GSN: variants seen among roughly 807,000 people sequenced by gnomAD.
The protein encoded by GSN is actin-depolymerizing factor.
In GSN, 56 loss-of-function variants were observed where a neutral mutation model predicts 85.7. That is an observed-to-expected ratio of 0.65 (90% CI 0.53 to 0.82). The LOEUF is 0.82. GSN is among the 40% of genes least tolerant of loss of function. GSN has a pLI of 0.00. For synonymous variants in GSN, 373 were observed against 399.1 expected, an observed-to-expected ratio of 0.93 and a Z score of 0.78; for missense variants, 857 against 979.8, an observed-to-expected ratio of 0.87 and a Z score of 1.67.
intron 5 of GSN, chr9:121,238,746 T>C: frequency 2.2e-6 from 1 of 451,972 alleles, no homozygotes. Context: ...GACAGTGTGA[T>C]TTTCATGAGG....
intron 2 of GSN, chr9:121,282,102 A>C (rs1297477775): frequency 4.3e-6 from 2 of 461,962 alleles, no homozygotes; most frequent in South Asian, 3.5e-5. Flanking sequence ...TCAGATTCAC[A>C]GGTGACCTGC....
chr9:121,310,369 CA>C, intron 4 of GSN: 1 of 395,984 alleles, frequency 2.5e-6, no homozygotes, highest in Non-Finnish European at 4.8e-6. Context: ...AAAGTGGCTA[CA>C]GGGGTCCTTG....
intron 5 of GSN, among the ~76,000 whole-genome samples, chr9:121,243,182 G>A (rs149792115): frequency 7.2e-4 from 109 of 152,264 alleles, no homozygotes; most frequent in Non-Finnish European, 1.2e-3. Context: ...CTAGAGTTTC[G>A]TTCCTTGCAT....
intron 6 of GSN, among the ~76,000 whole-genome samples, chr9:121,249,164 A>G (rs913060309): frequency 1.3e-5 from 2 of 152,112 alleles, no homozygotes; most frequent in African/African-American, 2.4e-5. Context: ...ATGATGTCTA[A>G]GGAGATGCAA....
chr9:121,309,598 G>A (rs1054860327), intron 4 of GSN: 1 of 152,138 alleles, frequency 6.6e-6, no homozygotes, highest in African/African-American at 2.4e-5. Flanking sequence ...AGCCTTGAAG[G>A]ATGAGAAAGA....
intron 5 of GSN, among the ~76,000 whole-genome samples, chr9:121,242,542 T>C (rs1337843991): frequency 6.6e-6 from 1 of 152,006 alleles, no homozygotes; most frequent in Non-Finnish European, 1.5e-5. Context: ...CCTTAGAGAG[T>C]CTGGTCCAAG....
At chr9:121,232,613 A>G (rs905695786) in intron 5 of GSN, among the ~76,000 whole-genome samples, 8 of 152,262 alleles carry the variant, frequency 5.3e-5, no homozygotes, top group Non-Finnish European at 1.0e-4. Context: ...TTTCAAGTGT[A>G]CGATATGGTA....
chr9:121,286,637 G>A (rs890161416), intron 2 of GSN: 69 of 1,531,468 alleles, frequency 4.5e-5, no homozygotes, highest in Non-Finnish European at 5.9e-5. Flanking sequence ...TGGTGTTCCT[G>A]TTTGTGTGCC....
intron 4 of GSN, among the ~76,000 whole-genome samples, chr9:121,219,496 A>G (rs2054128147): frequency 6.6e-6 from 1 of 152,174 alleles, no homozygotes; most frequent in African/African-American, 2.4e-5. Context: ...GCAGTTTTAT[A>G]TGACTAGCAA....
At chr9:121,238,577 G>C (rs993255185) in intron 5 of GSN, 1 of 202,764 alleles carries the variant, frequency 4.9e-6, no homozygotes, top group African/African-American at 2.3e-5. Flanking sequence ...ACTATACTTT[G>C]TGAGCGTGTG....
At chr9:121,302,196 C>G (rs1342018550) in intron 3 of GSN, 29 bp downstream of exon 3, 9 of 1,611,966 alleles carry the variant, frequency 5.6e-6, no homozygotes, top group Non-Finnish European at 7.6e-6. Flanking sequence ...AGCCCCTGCC[C>G]CAGCCCCCAT....
rs186327878 is a variant in GSN at position 121,286,206 on chromosome 9, G to T, written c.-10+4644G>T. 239 of 1,480,002 alleles carry T rather than the reference G, an allele frequency of 1.6e-4. No individual in the cohort carries two copies. The African/African-American group carries it at 2.8e-3, about 17-fold the overall frequency. 91.7% of individuals were successfully genotyped at this position (1,480,002 alleles called of 1,614,324 possible). A position where few individuals can be genotyped will look rare whatever the true frequency, so the allele number is the denominator to read the frequency against. Reference sequence around the variant, plus strand: ...CATGGGTGAGTAGCACGGGATCTGGGGTGGTCCCCGAAGCCAGCTCAGAGG... The same window carrying T: ...CATGGGTGAGTAGCACGGGATCTGGTGTGGTCCCCGAAGCCAGCTCAGAGG... On this transcript the variant is annotated intron_variant, in intron 2 of 17. Transcript: ENST00000432226.
chr9:121,264,235 CTT>C (rs901689256), upstream of GSN, among the ~76,000 whole-genome samples: 1 of 152,126 alleles, frequency 6.6e-6, no homozygotes, highest in Non-Finnish European at 1.5e-5. Context: ...GGGAGGATCT[CTT>C]GAGCCCAAAA....
rs1002292431 is a variant in GSN at position 121,332,091 on chromosome 9, C to T, written c.2027-343C>T. 6.6e-6 allele frequency among the ~76,000 whole-genome samples: 1 copy of T among 151,958 alleles called. No homozygotes were observed. The highest frequency in any genetic ancestry group is 1.5e-5 in the Non-Finnish European group (1 of 67,986). On this transcript the variant is annotated intron_variant, in intron 17 of 17. Coordinates refer to ENST00000432226, the MANE Select transcript of GSN (RefSeq NM_198252.3). This position sits in a 1 kb window ranked among gnomAD's most constrained non-coding sequence, Gnocchi z 4.8. ...AAAAAAAGAAAAAGATGTTGCAAAG[C>T]AGATTCTTGGCAGCTGAATAGATCT... is the stretch of plus-strand genomic sequence containing the variant.
At chr9:121,231,054 C>T (rs965405337) in intron 4 of GSN, 3 of 152,196 alleles carry the variant, frequency 2.0e-5, no homozygotes, top group African/African-American at 7.2e-5. Context: ...GGGTAAGCAT[C>T]GCTATACTCC....
chr9:121,316,582 C>G (rs1407210565), intron 7 of GSN, among the ~76,000 whole-genome samples: 1 of 152,086 alleles, frequency 6.6e-6, no homozygotes, highest in African/African-American at 2.4e-5. Flanking sequence ...GTGATCCTCC[C>G]ACTTCAGCCT....
chr9:121,316,938 A>G (rs2061779901), intron 7 of GSN, 148 bp from the exon 8 acceptor site: 24 of 994,882 alleles, frequency 2.4e-5, no homozygotes, highest in Non-Finnish European at 3.2e-5. Flanking sequence ...CAGAAAACGA[A>G]AAAGAACCTC....
chr9:121,283,693 TC>T (rs2057706899), intron 2 of GSN: 2 of 66,860 alleles, frequency 3.0e-5, no homozygotes, highest in African/African-American at 5.8e-5. Context: ...ATTCATTCAT[TC>T]ATTCATTCAT....
chr9:121,236,244 G>C (rs1254106705), intron 5 of GSN, among the ~76,000 whole-genome samples: 1 of 152,110 alleles, frequency 6.6e-6, no homozygotes, highest in Non-Finnish European at 1.5e-5. Flanking sequence ...CCCCAAGACA[G>C]AGTCTTGCTG....
Sources: allele counts gnomAD v4.1 joint callset (sites outside exome capture counted in the v4.1 genomes callset), GRCh38; gene constraint gnomAD v4.1.1; non-coding constraint Gnocchi (gnomAD v3.1); transcripts MANE v1.5; gene names NCBI Gene and HGNC (gene_info 2026-07-23, HGNC 2026-07-21).